The following CFAP61 variants were observed in gnomAD, a reference collection of about 807,000 sequenced individuals.
CFAP61 encodes cilia and flagella associated protein 61.
CFAP61 carries 107 observed loss-of-function variants against 135.6 expected under a neutral mutation model. That is an observed-to-expected ratio of 0.79 (90% CI 0.67 to 0.93). The LOEUF is 0.93. Ranked by LOEUF, CFAP61 falls within the 40% of genes least tolerant of loss-of-function variation. The pLI is 0.00. For synonymous variants in CFAP61, 575 were observed against 578.5 expected, an observed-to-expected ratio of 0.99 and a Z score of 0.09; for missense variants, 1,507 against 1,556.2, an observed-to-expected ratio of 0.97 and a Z score of 0.53.
At chr20:20,118,977 C>T (rs1029400195) in intron 8 of CFAP61, among the ~76,000 whole-genome samples, 1 of 151,908 alleles carries the variant, frequency 6.6e-6, no homozygotes, top group African/African-American at 2.4e-5. Flanking sequence ...ACATTGTGCC[C>T]GACTGGTGAA....
intron 25 of CFAP61, among the ~76,000 whole-genome samples, chr20:20,334,962 C>G (rs778199663): frequency 6.6e-6 from 1 of 152,160 alleles, no homozygotes; most frequent in Non-Finnish European, 1.5e-5. Context: ...TTACTTGTTC[C>G]TATTCTTATT....
Position 20,341,753 on chromosome 20 carries a change from G to A in CFAP61, c.3423-78G>A. 4.9e-6 allele frequency: 5 copies of A among 1,016,378 alleles called. No homozygotes were observed. The South Asian group carries it at 5.8e-5, about 12-fold the overall frequency. 63.0% of individuals were successfully genotyped at this position (1,016,378 alleles called of 1,614,324 possible). A position where few individuals can be genotyped will look rare whatever the true frequency, so the allele number is the denominator to read the frequency against. The stretch of plus-strand genomic sequence containing the variant: ...TGAGGCCAGAACTGTAATTTATAAA[G>A]GCAAAAAAGCAGGTAAATACTTTAT... On this transcript the variant is annotated intron_variant, in intron 25 of 26. Transcript: ENST00000245957.
intron 25 of CFAP61, chr20:20,322,887 T>C (rs2057586307): frequency 1.0e-6 from 1 of 985,288 alleles, no homozygotes; most frequent in African/African-American, 1.7e-5. Flanking sequence ...ACAAAATCTG[T>C]TCTTCCTTGT....
At chr20:20,172,181 A>G in intron 13 of CFAP61, 1 of 887,966 alleles carries the variant, frequency 1.1e-6, no homozygotes, top group Non-Finnish European at 1.4e-6. Context: ...GTGTATGTAT[A>G]GAAGTTCTAA....
intron 17 of CFAP61, among the ~76,000 whole-genome samples, chr20:20,205,160 G>C (rs1210700429): frequency 2.0e-5 from 3 of 152,048 alleles, no homozygotes; most frequent in East Asian, 3.9e-4. Flanking sequence ...TCTCATTACT[G>C]TCCTAATTTT....
intron 8 of CFAP61, among the ~76,000 whole-genome samples, chr20:20,131,317 G>T (rs1298558968): frequency 7.3e-6 from 1 of 136,818 alleles, no homozygotes; most frequent in African/African-American, 2.9e-5. Context: ...TTTAATTGCA[G>T]TTTATAATTT....
chr20:20,121,557 C>T (rs558885625), intron 8 of CFAP61, among the ~76,000 whole-genome samples: 5 of 152,238 alleles, frequency 3.3e-5, no homozygotes, highest in East Asian at 3.9e-4. Flanking sequence ...TGCAGTGGTT[C>T]AATCTTGGCA....
Position 20,360,280 on chromosome 20 carries a change from A to G in CFAP61, c.3584A>G (p.Lys1195Arg). 1 of 1,613,958 alleles carries G rather than the reference A, an allele frequency of 6.2e-7. No individual in the cohort carries two copies. Among genetic ancestry groups the G allele is most frequent in the Non-Finnish European group, 8.5e-7 (1 of 1,179,994 alleles). Reference protein sequence around the residue: ...IEDEEINPTEKPRQYLKRVFE... With the variant: ...IEDEEINPTERPRQYLKRVFE... ...GATGAGGAAATCAACCCGACTGAGAAGCCCAGGCAATACCTCAAAAGAGTT... is the reference window on the plus strand; with the variant it reads ...GATGAGGAAATCAACCCGACTGAGAGGCCCAGGCAATACCTCAAAAGAGTT... The change falls in exon 27 of 27, where the codon AAG (lysine) becomes AGG (arginine). Residue 1195 changes from lysine to arginine, a missense_variant. Transcript: ENST00000245957.
chr20:20,348,689 C>CAAAAAAAAAAA (rs71198052), intron 26 of CFAP61, among the ~76,000 whole-genome samples: 17 of 53,396 alleles, frequency 3.2e-4, no homozygotes, highest in South Asian at 1.3e-3. Context: ...GACTCCGTAT[C>CAAAAAAAAAAA]AAAAAAAAAA....
chr20:20,108,785 C>A (rs2048589032), intron 8 of CFAP61, among the ~76,000 whole-genome samples: 1 of 152,088 alleles, frequency 6.6e-6, no homozygotes, highest in Non-Finnish European at 1.5e-5. Context: ...GTTGGAGCAC[C>A]TTGGAATACT....
chr20:20,231,103 A>G (rs1293218802), intron 18 of CFAP61, among the ~76,000 whole-genome samples: 1 of 152,202 alleles, frequency 6.6e-6, no homozygotes, highest in African/African-American at 2.4e-5. Context: ...TTCTTCCCCA[A>G]GTGCTGAGGT....
chr20:20,121,612 G>A (rs566423801), intron 8 of CFAP61, among the ~76,000 whole-genome samples: 15 of 151,880 alleles, frequency 9.9e-5, no homozygotes, highest in East Asian at 3.9e-4. Flanking sequence ...CTCGTGCCTC[G>A]GCCTCCCGAG....
At chr20:20,305,264 C>T (rs960391143) in intron 25 of CFAP61, among the ~76,000 whole-genome samples, 1 of 152,240 alleles carries the variant, frequency 6.6e-6, no homozygotes, top group African/African-American at 2.4e-5. Context: ...GAAGTTCTTC[C>T]CTCAGGAAAG....
intron 18 of CFAP61, among the ~76,000 whole-genome samples, chr20:20,239,405 G>A (rs947884882): frequency 2.2e-4 from 34 of 152,174 alleles, no homozygotes; most frequent in African/African-American, 6.3e-4. Context: ...TGAATAGCAA[G>A]GAGGTTGATG....
intron 25 of CFAP61, chr20:20,316,630 G>A (rs2057154439): frequency 2.0e-5 from 3 of 151,764 alleles, no homozygotes; most frequent in South Asian, 2.1e-4. Context: ...TTTTCAAAGG[G>A]AATGCTTCCA....
intron 18 of CFAP61, among the ~76,000 whole-genome samples, chr20:20,230,488 A>G (rs2049049103): frequency 6.6e-6 from 1 of 152,228 alleles, no homozygotes; most frequent in South Asian, 2.1e-4. Flanking sequence ...ACCACCAATG[A>G]GGATTGAATC....
intron 22 of CFAP61, among the ~76,000 whole-genome samples, chr20:20,277,773 T>TGGGTG (rs754615122): frequency 7.2e-5 from 11 of 152,156 alleles, no homozygotes; most frequent in African/African-American, 9.7e-5. Flanking sequence ...AAGTCAGCAG[T>TGGGTG]GGGTGGGCTG....
chr20:20,064,032 A>ACCCACCCCC (rs373522191), intron 2 of CFAP61, among the ~76,000 whole-genome samples: 2 of 113,222 alleles, frequency 1.8e-5, no homozygotes, highest in South Asian at 3.3e-4. Context: ...AAATAGAGTA[A>ACCCACCCCC]CCGCCCCCCA....
chr20:20,239,943 A>G (rs981943533), intron 18 of CFAP61, among the ~76,000 whole-genome samples: 11 of 148,208 alleles, frequency 7.4e-5, no homozygotes, highest in Admixed American at 4.7e-4. Context: ...GGGGCATTCA[A>G]GAGATGTGGA....
Sources: allele counts gnomAD v4.1 joint callset (sites outside exome capture counted in the v4.1 genomes callset), GRCh38; gene constraint gnomAD v4.1.1; transcripts MANE v1.5; gene names NCBI Gene and HGNC (gene_info 2026-07-23, HGNC 2026-07-21).